GRM7: variants seen among roughly 807,000 people sequenced by gnomAD.
GRM7 encodes the protein metabotropic glutamate receptor 7.
A neutral mutation model predicts 84.5 loss-of-function variants in GRM7; 35 were observed. That is an observed-to-expected ratio of 0.41 (90% CI 0.32 to 0.55). The LOEUF (loss-of-function observed/expected upper bound fraction) is 0.55, where lower values mean the gene tolerates loss of function less well. GRM7 is among the 20% of genes least tolerant of loss of function. The pLI is 0.19. For synonymous variants in GRM7, 487 were observed against 455.1 expected, an observed-to-expected ratio of 1.07 and a Z score of -0.89; for missense variants, 1,003 against 1,194.6, an observed-to-expected ratio of 0.84 and a Z score of 2.36.
chr3:7,216,358 A>G (rs1474421020), intron 2 of GRM7, among the ~76,000 whole-genome samples: 1 of 152,226 alleles, frequency 6.6e-6, no homozygotes, highest in Non-Finnish European at 1.5e-5. Flanking sequence ...AGGCAAGTAT[A>G]TGTACCTATA....
chr3:6,981,930 C>T (rs373569805), intron 1 of GRM7, among the ~76,000 whole-genome samples: 1 of 152,290 alleles, frequency 6.6e-6, no homozygotes, highest in East Asian at 1.9e-4. Flanking sequence ...TTGGATCCAG[C>T]AGTCTCTTTA....
intron 4 of GRM7, among the ~76,000 whole-genome samples, chr3:7,400,770 G>T (rs41386145): frequency 0.036 from 5,519 of 152,120 alleles, 258 homozygotes; most frequent in African/African-American, 0.11. Context: ...TTGTATTGTG[G>T]TTTACCATTT....
intron 1 of GRM7, among the ~76,000 whole-genome samples, chr3:7,089,251 C>T (rs6443083): frequency 6.6e-6 from 1 of 151,932 alleles, no homozygotes; most frequent in Admixed American, 6.6e-5. Context: ...AAATGTTATA[C>T]ATAAAATATC....
intron 1 of GRM7, among the ~76,000 whole-genome samples, chr3:7,070,642 TC>T (rs1008611725): frequency 8.5e-5 from 13 of 152,064 alleles, no homozygotes; most frequent in African/African-American, 3.1e-4. Flanking sequence ...TCAAGGTGAT[TC>T]CTTTTCCTGT....
At chr3:7,393,008 C>G (rs1267530476) in intron 4 of GRM7, among the ~76,000 whole-genome samples, 2 of 152,136 alleles carry the variant, frequency 1.3e-5, no homozygotes, top group Non-Finnish European at 2.9e-5. Flanking sequence ...GAGTTAAACT[C>G]TCAGTATGCA....
chr3:7,453,962 G>A (rs893112403), intron 6 of GRM7, among the ~76,000 whole-genome samples: 1 of 152,026 alleles, frequency 6.6e-6, no homozygotes, highest in African/African-American at 2.4e-5. Flanking sequence ...GCTGCCTTGG[G>A]CTGGTAAAAG....
chr3:7,487,097 C>G (rs1329649306), intron 7 of GRM7, among the ~76,000 whole-genome samples: 1 of 152,108 alleles, frequency 6.6e-6, no homozygotes, highest in Non-Finnish European at 1.5e-5. Flanking sequence ...GCACCATTGC[C>G]TCCCTGTCCT....
intron 4 of GRM7, chr3:7,403,238 G>C: frequency 2.6e-6 from 1 of 380,928 alleles, no homozygotes. Context: ...ACATTATTCT[G>C]TAAGATTATG....
chr3:7,677,702 T>C (rs892557841), intron 8 of GRM7, among the ~76,000 whole-genome samples: 1 of 152,174 alleles, frequency 6.6e-6, no homozygotes, highest in African/African-American at 2.4e-5. Flanking sequence ...AAAATAAACA[T>C]GATAGTTGTA....
chr3:7,002,116 A>T (rs1053931553), intron 1 of GRM7, among the ~76,000 whole-genome samples: 1 of 152,224 alleles, frequency 6.6e-6, no homozygotes, highest in African/African-American at 2.4e-5. Context: ...AGTTTAAAAA[A>T]TTTGGGAAGT....
chr3:7,078,726 T>C (rs73808641), intron 1 of GRM7, among the ~76,000 whole-genome samples: 24,712 of 152,058 alleles, frequency 0.16, 3,534 homozygotes, highest in African/African-American at 0.4. Context: ...ATTGTTTAAC[T>C]TGTAAGGTGT....
At chr3:7,395,602 T>A (rs1255364032) in intron 4 of GRM7, among the ~76,000 whole-genome samples, 1 of 152,198 alleles carries the variant, frequency 6.6e-6, no homozygotes, top group African/African-American at 2.4e-5. Flanking sequence ...CTTCATACTG[T>A]CCTCATGGTA....
intron 1 of GRM7, among the ~76,000 whole-genome samples, chr3:6,908,509 C>T (rs984757030): frequency 6.6e-6 from 1 of 152,152 alleles, no homozygotes; most frequent in Non-Finnish European, 1.5e-5. Flanking sequence ...CTACATGACT[C>T]AGTCAAGGTC....
At chr3:7,731,079 C>G (rs1025278844) in intron 9 of GRM7, among the ~76,000 whole-genome samples, 9 of 130,600 alleles carry the variant, frequency 6.9e-5, no homozygotes, top group African/African-American at 2.2e-4. Context: ...TTAGTTTTTT[C>G]TTTTGTTTTT....
At chr3:7,237,487 G>A (rs543305770) in intron 2 of GRM7, among the ~76,000 whole-genome samples, 8 of 152,208 alleles carry the variant, frequency 5.3e-5, no homozygotes, top group Non-Finnish European at 1.2e-4. Flanking sequence ...GCATGAAGCC[G>A]TGGACGCTCG....
At chr3:7,421,397 A>G (rs73015517) in intron 5 of GRM7, among the ~76,000 whole-genome samples, 17,141 of 152,206 alleles carry the variant, frequency 0.11, 1,185 homozygotes, top group South Asian at 0.26. Context: ...TTGCTAGTGC[A>G]AAAAAATGAA....
chr3:6,876,790 C>T (rs1228830253), intron 1 of GRM7, among the ~76,000 whole-genome samples: 3 of 151,710 alleles, frequency 2.0e-5, no homozygotes, highest in East Asian at 3.9e-4. Flanking sequence ...TTAATAGAGA[C>T]GGGGTTTCAC....
At chr3:6,913,186 T>C (rs11921083) in intron 1 of GRM7, among the ~76,000 whole-genome samples, 70,156 of 152,006 alleles carry the variant, frequency 0.46, 19,001 homozygotes, top group African/African-American at 0.76. Flanking sequence ...CTTTGCCAGA[T>C]CCCCATTTAG....
Position 7,532,545 on chromosome 3 carries a change from A to G in GRM7, c.1516-45877A>G, listed in dbSNP as rs376763873. 5.5e-4 allele frequency among the ~76,000 whole-genome samples: 83 copies of G among 151,924 alleles called. 2 individuals carry two copies. The South Asian group carries it at 0.013, about 23-fold the overall frequency. ...TATTAGTCTGGCTAGCAGTCTATCA[A>G]TTTTGTTAATCTTTTCAAAAAACCA... On this transcript the variant is annotated intron_variant, in intron 7 of 9. Coordinates refer to ENST00000357716, the MANE Select transcript of GRM7 (RefSeq NM_000844.4).
Sources: gnomAD v4.1 joint callset for allele counts (sites outside exome capture counted in the v4.1 genomes callset) on GRCh38, gnomAD v4.1.1 for gene constraint, MANE v1.5 for transcripts, NCBI Gene and HGNC (gene_info 2026-07-23, HGNC 2026-07-21) for gene names.